SLC12A7: variants seen among roughly 807,000 people sequenced by gnomAD.
SLC12A7 encodes K-Cl cotransporter 4.
In SLC12A7, 100 loss-of-function variants were observed where a neutral mutation model predicts 120.6. The observed-to-expected ratio is 0.83, with a 90% CI of 0.71 to 0.98. SLC12A7 has a LOEUF of 0.98. SLC12A7 is among the 50% of genes least tolerant of loss of function. The pLI is 0.00. For synonymous variants in SLC12A7, 760 were observed against 678.0 expected, an observed-to-expected ratio of 1.12 and a Z score of -1.88; for missense variants, 1,373 against 1,548.1, an observed-to-expected ratio of 0.89 and a Z score of 1.90.
intron 1 of SLC12A7, among the ~76,000 whole-genome samples, chr5:1,098,825 C>T (rs1369205211): frequency 6.6e-6 from 1 of 150,488 alleles, no homozygotes; most frequent in Non-Finnish European, 1.5e-5. Context: ...GCGTCCCTTG[C>T]GCTCCCTGGC....
At chr5:1,074,753 A>G (rs1374535818) in intron 15 of SLC12A7, 82 bp from the exon 16 acceptor site, 1 of 1,344,454 alleles carries the variant, frequency 7.4e-7, no homozygotes, top group South Asian at 1.2e-5. Flanking sequence ...TTCTGGGGGC[A>G]GGTGAGTTGG....
intron 3 of SLC12A7, among the ~76,000 whole-genome samples, chr5:1,091,656 T>C (rs1740507722): frequency 6.6e-6 from 1 of 152,034 alleles, no homozygotes; most frequent in East Asian, 1.9e-4. Context: ...CAATACCCAG[T>C]TCCACAGCGT....
intron 1 of SLC12A7, among the ~76,000 whole-genome samples, chr5:1,104,640 C>A (rs1742328971): frequency 6.7e-6 from 1 of 149,922 alleles, no homozygotes. Context: ...TCATCCCGGA[C>A]CCCAGGACCA....
At chr5:1,119,034 C>T in the SLC12A7 span, among the ~76,000 whole-genome samples, 1 of 152,116 alleles carries the variant, frequency 6.6e-6, no homozygotes. Context: ...GAAAGGAGGG[C>T]CCTGCCTCGT....
intron 18 of SLC12A7, 59 bp downstream of exon 18, chr5:1,065,224 A>C (rs4587118): frequency 5.6e-6 from 7 of 1,256,014 alleles, no homozygotes; most frequent in Non-Finnish European, 5.6e-6. Flanking sequence ...GCGAGGGGAC[A>C]CTGAGAGGAC....
At chr5:1,094,409 A>C (rs888805173) in intron 1 of SLC12A7, among the ~76,000 whole-genome samples, 161 bp from the exon 2 acceptor site, 2 of 152,160 alleles carry the variant, frequency 1.3e-5, no homozygotes, top group African/African-American at 4.8e-5. Context: ...TTCCTTCCAC[A>C]CATCTGTGTT....
At chr5:1,125,503 C>T in the SLC12A7 span, among the ~76,000 whole-genome samples, 1 of 152,076 alleles carries the variant, frequency 6.6e-6, no homozygotes, top group Non-Finnish European at 1.5e-5. Flanking sequence ...TCTCCAAACT[C>T]CAAAACAGTG....
At chr5:1,155,076 C>T in the SLC12A7 span, among the ~76,000 whole-genome samples, 1 of 144,970 alleles carries the variant, frequency 6.9e-6, no homozygotes, top group Non-Finnish European at 1.5e-5. Context: ...TCCTCTGCCT[C>T]CCCCCGCCCC....
chr5:1,053,049 TG>T (rs1451451780), intron 23 of SLC12A7, among the ~76,000 whole-genome samples: 1 of 152,176 alleles, frequency 6.6e-6, no homozygotes, highest in African/African-American at 2.4e-5. Context: ...ACAGCTGCTG[TG>T]GGGATGCATG....
chr5:1,088,042 C>G (rs1740080874), intron 5 of SLC12A7, among the ~76,000 whole-genome samples: 1 of 152,234 alleles, frequency 6.6e-6, no homozygotes, highest in Non-Finnish European at 1.5e-5. Context: ...CGTGCCTCCC[C>G]CTCCCCAGCC....
chr5:1,125,056 T>C, the SLC12A7 span, among the ~76,000 whole-genome samples: 2 of 152,114 alleles, frequency 1.3e-5, no homozygotes, highest in South Asian at 2.1e-4. Context: ...ACCTAATTAA[T>C]GGTCAGCTAT....
upstream of SLC12A7, among the ~76,000 whole-genome samples, chr5:1,116,318 G>A (rs1484796662): frequency 4.6e-5 from 7 of 152,344 alleles, no homozygotes; most frequent in East Asian, 9.7e-4. Context: ...TCTGGGCCTG[G>A]TGGATGGTGG....
intron 2 of SLC12A7, 136 bp from the exon 3 acceptor site, chr5:1,093,791 C>T (rs929959666): frequency 1.5e-6 from 2 of 1,314,768 alleles, no homozygotes; most frequent in East Asian, 2.5e-5. Context: ...GCCAGAGAGG[C>T]CTGGACACCT....
At chr5:1,150,686 G>A in the SLC12A7 span, among the ~76,000 whole-genome samples, 1 of 152,250 alleles carries the variant, frequency 6.6e-6, no homozygotes, top group South Asian at 2.1e-4. Context: ...TTCTTTAAGA[G>A]CAAAGTGACA....
the SLC12A7 span, among the ~76,000 whole-genome samples, chr5:1,132,843 C>G: frequency 6.6e-6 from 1 of 152,248 alleles, no homozygotes; most frequent in Non-Finnish European, 1.5e-5. Flanking sequence ...GACACGGGCA[C>G]TCGGCCCAGC....
intron 3 of SLC12A7, among the ~76,000 whole-genome samples, chr5:1,092,882 C>T (rs1740675577): frequency 6.6e-6 from 1 of 152,214 alleles, no homozygotes; most frequent in Admixed American, 6.5e-5. Flanking sequence ...CAGGGTCTTT[C>T]TCGCCTGTGA....
At chr5:1,138,924 G>A in the SLC12A7 span, among the ~76,000 whole-genome samples, 3 of 152,232 alleles carry the variant, frequency 2.0e-5, no homozygotes, top group African/African-American at 4.8e-5. Context: ...CATGTGCCCT[G>A]AGGTGAGCCG....
intron 1 of SLC12A7, among the ~76,000 whole-genome samples, chr5:1,099,505 G>GACATCAA (rs1741780680): frequency 9.2e-5 from 14 of 151,742 alleles, no homozygotes; most frequent in Non-Finnish European, 1.5e-4. Flanking sequence ...CCGGGGGACG[G>GACATCAA]CAGGCATCCT....
rs374549551 is a variant in SLC12A7 at position 1,089,080 on chromosome 5, T to C, written c.391A>G (p.Asn131Asp). Residue 131 changes from asparagine to aspartate, a missense_variant, in exon 4 of 24, where the codon AAC becomes GAC. Transcript: ENST00000264930. ...FIGVYLPCLQNILGVILFLRL... is the reference protein window; with the variant it reads ...FIGVYLPCLQDILGVILFLRL... The stretch of plus-strand genomic sequence containing the variant: ...AGGAAGAGGATGACGCCCAGGATGT[T>C]CTGCAGGCACGGCAGGTAGACGCCG... 11 of 1,612,890 alleles carry C rather than the reference T, an allele frequency of 6.8e-6. No individual in the cohort carries two copies. Among genetic ancestry groups the C allele is most frequent in the Non-Finnish European group, 9.3e-6 (11 of 1,179,980 alleles).
Sources: gnomAD v4.1 joint callset for allele counts (sites outside exome capture counted in the v4.1 genomes callset) on GRCh38, gnomAD v4.1.1 for gene constraint, MANE v1.5 for transcripts, NCBI Gene and HGNC (gene_info 2026-07-23, HGNC 2026-07-21) for gene names.